The following ZMYND12 variants were observed in gnomAD, a reference collection of about 807,000 sequenced individuals.
ZMYND12 encodes the protein zinc finger MYND domain-containing protein 12.
Under a neutral mutation model 41.7 loss-of-function variants are expected in ZMYND12, and 32 were observed. The ratio of observed to expected loss-of-function variants is 0.77; its 90% CI spans 0.58 to 1.03. The LOEUF is 1.03. ZMYND12 is among the 50% of genes least tolerant of loss of function. The pLI, the probability that ZMYND12 is intolerant of heterozygous loss-of-function variation, is 0.00. For missense variants in ZMYND12, 424 were observed against 438.5 expected (o/e 0.97, Z 0.30); for synonymous variants, 148 against 164.8 (o/e 0.90, Z 0.78).
intron 3 of ZMYND12, among the ~76,000 whole-genome samples, chr1:42,446,677 A>G (rs927037792): frequency 2.0e-5 from 3 of 151,922 alleles, no homozygotes; most frequent in East Asian, 1.9e-4. Context: ...ATATATAGAT[A>G]TAGAAATAAA....
intron 2 of ZMYND12, 98 bp downstream of exon 2, chr1:42,449,820 T>G: frequency 6.1e-5 from 89 of 1,450,054 alleles, no homozygotes; most frequent in Non-Finnish European, 7.5e-5. Flanking sequence ...CTGCCCTCCG[T>G]GAGGTTACAA....
rs1172297027 is a variant in ZMYND12 at position 42,430,484 on chromosome 1, A to G, written c.*252T>C. 2.4e-6 allele frequency: 1 copy of G among 420,930 alleles called. No homozygotes were observed. Among genetic ancestry groups the G allele is most frequent in the African/African-American group, 1.9e-5 (1 of 51,814 alleles). 26.1% of individuals were successfully genotyped at this position (420,930 alleles called of 1,614,324 possible). On this transcript the variant is annotated 3_prime_UTR_variant, in exon 8 of 8. Coordinates refer to ENST00000372565, the MANE Select transcript of ZMYND12 (RefSeq NM_032257.5). ...TTAGTGATCTGACTACATATTACTC[A>G]GTCATACAAAGTCATGATAAATCAA...
chr1:42,454,338 C>G (rs767478609), intron 1 of ZMYND12, among the ~76,000 whole-genome samples: 7 of 152,228 alleles, frequency 4.6e-5, no homozygotes, highest in Non-Finnish European at 8.8e-5. Context: ...GATACCATCC[C>G]TGCCCTTGTG....
In ZMYND12 at chr1:42,430,740, G is replaced by A. The variant is rs1357581620; in HGVS notation, c.1094C>T (p.Thr365Ile). 4.3e-6 allele frequency: 7 copies of A among 1,614,146 alleles called. No homozygotes were observed. The highest frequency in any genetic ancestry group is 2.2e-5 in the East Asian group (1 of 44,880). Reference sequence around the variant, plus strand: ...TGATGCAGAGCTCATGGGTCACTAAGTAATGGGATGGTCTTCAGTTGAAAT... The same window carrying A: ...TGATGCAGAGCTCATGGGTCACTAAATAATGGGATGGTCTTCAGTTGAAAT... ...SLISTEDHPI[T>I] The change falls in exon 8 of 8, where the codon ACT (threonine) becomes ATT (isoleucine). Residue 365 changes from threonine to isoleucine, a missense_variant. Thr to Ile is a moderately conservative substitution (Grantham distance 89, BLOSUM62 -1). Coordinates refer to ENST00000372565, the MANE Select transcript of ZMYND12 (RefSeq NM_032257.5).
At position 42,430,668 on chromosome 1, in the gene ZMYND12, G is replaced by A; in HGVS notation, c.*68C>T. On this transcript the variant is annotated 3_prime_UTR_variant, in exon 8 of 8. Transcript: ENST00000372565. ...GTCTACAGTACCTCAAAGCAGTTGT[G>A]CAAGGCTGGAATATATTAGATCTTC... The A allele has an allele frequency of 1.3e-6, 2 of 1,587,894 alleles. No individual in the cohort carries two copies. The highest frequency in any genetic ancestry group is 1.1e-5 in the South Asian group (1 of 89,438).
intron 5 of ZMYND12, 54 bp downstream of exon 5, chr1:42,436,367 T>A (rs1642907576): frequency 6.2e-7 from 1 of 1,606,660 alleles, no homozygotes; most frequent in East Asian, 2.2e-5. Flanking sequence ...TAATACAAGT[T>A]GTAAGACACC....
intron 5 of ZMYND12, among the ~76,000 whole-genome samples, chr1:42,436,081 C>T: frequency 6.6e-6 from 1 of 152,208 alleles, no homozygotes; most frequent in East Asian, 1.9e-4. Flanking sequence ...AAATCTCCTT[C>T]TCTATCGCAC....
chr1:42,434,593 C>T (rs980070553), intron 6 of ZMYND12, among the ~76,000 whole-genome samples: 4 of 151,970 alleles, frequency 2.6e-5, no homozygotes, highest in African/African-American at 9.7e-5. Flanking sequence ...CCTGTCAGTT[C>T]AGCAGCAGCA....
At chr1:42,446,675 A>C (rs1643027867) in intron 3 of ZMYND12, among the ~76,000 whole-genome samples, 2 of 151,784 alleles carry the variant, frequency 1.3e-5, no homozygotes, top group Admixed American at 1.3e-4. Flanking sequence ...AGATATATAG[A>C]TATAGAAATA....
At chr1:42,445,662 G>A (rs1032765468) in intron 3 of ZMYND12, among the ~76,000 whole-genome samples, 5 of 152,118 alleles carry the variant, frequency 3.3e-5, no homozygotes, top group African/African-American at 9.7e-5. Flanking sequence ...AACTGGAAGG[G>A]AGGGAGAAAA....
At chr1:42,445,545 T>C (rs1334122895) in intron 3 of ZMYND12, among the ~76,000 whole-genome samples, 1 of 151,578 alleles carries the variant, frequency 6.6e-6, no homozygotes, top group Admixed American at 6.6e-5. Flanking sequence ...AGGAGTTAAT[T>C]TGGTGAAGGG....
intron 1 of ZMYND12, among the ~76,000 whole-genome samples, chr1:42,453,500 T>G (rs1334127639): frequency 6.6e-6 from 1 of 152,214 alleles, no homozygotes; most frequent in African/African-American, 2.4e-5. Flanking sequence ...TATCTAGCAT[T>G]AATGGAGCAT....
chr1:42,449,918 C>A lies in ZMYND12; in HGVS notation c.252G>T (p.Gln84His), dbSNP rs752428830. 4 of 1,610,916 alleles carry A rather than the reference C, an allele frequency of 2.5e-6. No homozygotes were observed. The South Asian group carries it at 4.4e-5, about 18-fold the overall frequency. The change falls in exon 2 of 8, where the codon CAG becomes CAT. Residue 84 changes from glutamine (Q) to histidine (H), a missense_variant and splice_region_variant. Gln to His is a conservative substitution (Grantham distance 24). Coordinates refer to ENST00000372565, the MANE Select transcript of ZMYND12 (RefSeq NM_032257.5). ...CCTTGGAAAGTGCCGTAGGCCCTACCTGCCGCTGCTGCAGCTGCTGCAGGC... is the reference window on the plus strand; with the variant it reads ...CCTTGGAAAGTGCCGTAGGCCCTACATGCCGCTGCTGCAGCTGCTGCAGGC... ...QHGLQQLQQR[Q>H]KYLIEFCYTI...
intron 6 of ZMYND12, among the ~76,000 whole-genome samples, chr1:42,434,629 C>G (rs2148404476): frequency 6.6e-6 from 1 of 151,812 alleles, no homozygotes; most frequent in South Asian, 2.1e-4. Flanking sequence ...AGCGTGAACC[C>G]TATTGTGAAC....
intron 4 of ZMYND12, among the ~76,000 whole-genome samples, chr1:42,436,904 G>T (rs978101985): frequency 1.8e-4 from 27 of 151,966 alleles, no homozygotes; most frequent in African/African-American, 6.5e-4. Flanking sequence ...GAAACAGTTT[G>T]GTAGTTCCTT....
chr1:42,441,346 A>G (rs916181554), intron 3 of ZMYND12, among the ~76,000 whole-genome samples: 1 of 152,210 alleles, frequency 6.6e-6, no homozygotes, highest in Non-Finnish European at 1.5e-5. Flanking sequence ...TCATAGAACT[A>G]TATAGAGTCA....
chr1:42,433,257 G>T lies in ZMYND12; in HGVS notation c.861C>A (p.Ile287=). ...DEAQEAEAIR[I]LTSILNIRES... ...CTCGAATGTTCAAGATTGAAGTCAG[G>T]ATGCGAATGGCTTCTGCTTCTTGGG... Residue 287 remains isoleucine (I), a synonymous_variant, in exon 7 of 8, where the codon ATC becomes ATA. Transcript: ENST00000372565. The T allele has an allele frequency of 6.2e-7, 1 of 1,609,004 alleles. No homozygotes were observed. The highest frequency in any genetic ancestry group is 1.1e-5 in the South Asian group (1 of 89,482).
chr1:42,430,895 CA>C (rs750485508), intron 7 of ZMYND12, 37 bp from the exon 8 acceptor site: 22 of 1,612,126 alleles, frequency 1.4e-5, no homozygotes, highest in Non-Finnish European at 1.8e-5. Context: ...GAAGTTGTCA[CA>C]GGAAAGCATA....
chr1:42,448,612 G>A lies in ZMYND12; in HGVS notation c.279C>T (p.Thr93=), dbSNP rs1643048807. 6.2e-7 allele frequency: 1 copy of A among 1,611,848 alleles called. No individual in the cohort carries two copies. The highest frequency in any genetic ancestry group is 1.3e-5 in the African/African-American group (1 of 74,824). Residue 93 remains threonine (T), a synonymous_variant, in exon 3 of 8, where the codon ACC becomes ACT. Transcript: ENST00000372565. ...RQKYLIEFCY[T]IAQKYLFEGK... ...CTTCAAAGAGGTATTTCTGGGCTATGGTGTAGCAGAATTCAATCAAATACT... is the reference window on the plus strand; with the variant it reads ...CTTCAAAGAGGTATTTCTGGGCTATAGTGTAGCAGAATTCAATCAAATACT...
Sources: gnomAD v4.1 joint callset for allele counts (sites outside exome capture counted in the v4.1 genomes callset) on GRCh38, gnomAD v4.1.1 for gene constraint, MANE v1.5 for transcripts, NCBI Gene and HGNC (gene_info 2026-07-23, HGNC 2026-07-21) for gene names.